Variants in CSMD1 observed in about 807,000 individuals in gnomAD.
CSMD1 encodes the protein CUB and sushi domain-containing protein 1.
In CSMD1, 213 loss-of-function variants were observed where a neutral mutation model predicts 417.5. The ratio of observed to expected loss-of-function variants is 0.51; its 90% confidence interval spans 0.46 to 0.57. CSMD1 has a LOEUF of 0.57. Among genes scored for constraint, CSMD1 ranks in the 20% least tolerant of loss-of-function variants. CSMD1 has a pLI of 0.00. For missense variants in CSMD1, 6,923 were observed against 4,529.7 expected, an observed-to-expected ratio of 1.53 and a Z score of -15.17; for synonymous variants, 2,862 against 1,736.8, an observed-to-expected ratio of 1.65 and a Z score of -16.11.
intron 1 of CSMD1, among the ~76,000 whole-genome samples, chr8:4,663,934 G>A (rs745879039): frequency 9.9e-5 from 15 of 152,146 alleles, no homozygotes; most frequent in Non-Finnish European, 1.5e-5. Context: ...GGCTCCACTG[G>A]GATGGAAATT....
chr8:4,687,069 G>A (rs1563142411), intron 1 of CSMD1, among the ~76,000 whole-genome samples: 1 of 152,190 alleles, frequency 6.6e-6, no homozygotes, highest in South Asian at 2.1e-4. Flanking sequence ...CTGAGCTTCA[G>A]GCGAGCCGGC....
At chr8:4,308,400 C>T (rs912567872) in intron 3 of CSMD1, among the ~76,000 whole-genome samples, 1 of 150,356 alleles carries the variant, frequency 6.7e-6, no homozygotes, top group African/African-American at 2.5e-5. Context: ...TGTATTCGTG[C>T]ATGTGTGTGT....
At chr8:3,196,285 C>T (rs745771) in intron 33 of CSMD1, among the ~76,000 whole-genome samples, 3,266 of 152,220 alleles carry the variant, frequency 0.021, 109 homozygotes, top group African/African-American at 0.074. Context: ...AATTGTCTAC[C>T]CCTTTCCCAG....
chr8:4,801,512 T>C (rs28477851), intron 1 of CSMD1, among the ~76,000 whole-genome samples: 10,606 of 152,184 alleles, frequency 0.07, 624 homozygotes, highest in East Asian at 0.23. Flanking sequence ...TAATGTCATT[T>C]TGAAGGGCAG....
chr8:4,055,472 G>A (rs1332194909), intron 3 of CSMD1, among the ~76,000 whole-genome samples: 1 of 151,754 alleles, frequency 6.6e-6, no homozygotes, highest in Non-Finnish European at 1.5e-5. Context: ...TAAATTATAT[G>A]AAATACATAT....
chr8:3,333,611 T>G (rs781203005), intron 23 of CSMD1, among the ~76,000 whole-genome samples: 2 of 152,246 alleles, frequency 1.3e-5, no homozygotes, highest in East Asian at 3.8e-4. Flanking sequence ...GCCATAATCT[T>G]AATCTTTATT....
intron 3 of CSMD1, among the ~76,000 whole-genome samples, chr8:4,268,726 C>T (rs941258733): frequency 3.3e-5 from 5 of 151,490 alleles, no homozygotes; most frequent in African/African-American, 9.7e-5. Context: ...TAACCAAATA[C>T]CCCCACTTAA....
At chr8:4,235,312 T>C (rs1373313930) in intron 3 of CSMD1, among the ~76,000 whole-genome samples, 1 of 152,078 alleles carries the variant, frequency 6.6e-6, no homozygotes, top group Admixed American at 6.6e-5. Context: ...AAAAGAAATT[T>C]TAAAATTTAT....
intron 16 of CSMD1, among the ~76,000 whole-genome samples, chr8:3,396,861 T>C (rs889821031): frequency 7.9e-5 from 12 of 152,138 alleles, no homozygotes; most frequent in Admixed American, 5.9e-4. Context: ...AAATGTGTGA[T>C]GAGTTTAAAC....
chr8:4,312,376 A>AATATATAT lies in CSMD1; in HGVS notation c.415+107569_415+107576dup, dbSNP rs535230667. Reference sequence around the variant, plus strand: ...TAAGCTAATTACTTTTAATGGAACAAATATATATATATATATACATACATA... The same window carrying AATATATAT: ...TAAGCTAATTACTTTTAATGGAACAAATATATATATATATATATATATATACATACATA... On this transcript the variant is annotated intron_variant, in intron 3 of 69. Coordinates refer to ENST00000635120, the MANE Select transcript of CSMD1 (RefSeq NM_033225.6). Among the ~76,000 whole-genome samples, 77 of 63,138 alleles carry AATATATAT rather than the reference A, an allele frequency of 1.2e-3. 9 individuals are homozygous for AATATATAT. The highest frequency in any genetic ancestry group is 4.7e-3 in the African/African-American group (74 of 15,738). 41.4% of individuals were successfully genotyped at this position (63,138 alleles called of 152,430 possible).
chr8:4,925,045 C>T (rs1472093671), intron 1 of CSMD1, among the ~76,000 whole-genome samples: 5 of 152,038 alleles, frequency 3.3e-5, no homozygotes, highest in African/African-American at 1.2e-4. Flanking sequence ...TGAATTACTA[C>T]ATACCTTAAA....
chr8:4,464,392 A>G (rs1189149894), intron 2 of CSMD1, among the ~76,000 whole-genome samples: 1 of 152,238 alleles, frequency 6.6e-6, no homozygotes, highest in Non-Finnish European at 1.5e-5. Context: ...AATATACCTA[A>G]CCTGCAAAAC....
chr8:3,950,117 A>G (rs1648092147), intron 5 of CSMD1, among the ~76,000 whole-genome samples: 1 of 152,194 alleles, frequency 6.6e-6, no homozygotes, highest in African/African-American at 2.4e-5. Context: ...TAATAATTAG[A>G]CACGTTACAC....
chr8:3,652,635 G>A (rs764515798), intron 7 of CSMD1, among the ~76,000 whole-genome samples: 4 of 152,146 alleles, frequency 2.6e-5, no homozygotes, highest in Non-Finnish European at 5.9e-5. Flanking sequence ...CCCATTTATG[G>A]AACCATCAGA....
At chr8:4,197,296 G>A (rs1799394127) in intron 3 of CSMD1, among the ~76,000 whole-genome samples, 1 of 152,216 alleles carries the variant, frequency 6.6e-6, no homozygotes, top group Non-Finnish European at 1.5e-5. Flanking sequence ...TAAGTATTAT[G>A]ATGGGTAATG....
At chr8:4,523,100 G>A (rs1316649037) in intron 2 of CSMD1, among the ~76,000 whole-genome samples, 1 of 152,166 alleles carries the variant, frequency 6.6e-6, no homozygotes, top group Non-Finnish European at 1.5e-5. Flanking sequence ...TTGGTGGGTG[G>A]TAGTGGGCCA....
At chr8:3,073,064 C>T (rs561926178) in intron 49 of CSMD1, among the ~76,000 whole-genome samples, 2 of 152,134 alleles carry the variant, frequency 1.3e-5, no homozygotes, top group African/African-American at 2.4e-5. Flanking sequence ...ATTCCCAGTG[C>T]TATTTCTTAA....
chr8:2,973,174 G>A lies in CSMD1; in HGVS notation c.8866C>T (p.Pro2956Ser). 4 of 1,613,716 alleles carry A rather than the reference G, an allele frequency of 2.5e-6. No homozygotes were observed. In the South Asian group the frequency reaches 3.3e-5, roughly 13 times the overall value. ...CCATTGAGCAAACACGTGCGTTCAG[G>A]GGAGCCCCTCAGCTGGTGCCCCATT... ...CEMGHQLRGS[P>S]ERTCLLNGSW... is the part of the protein sequence containing the mutation. The change falls in exon 57 of 70, where the codon CCT becomes TCT. Residue 2956 changes from proline to serine, a missense_variant. Physicochemically the swap from Pro to Ser is moderately conservative, Grantham distance 74 (BLOSUM62 -1). Coordinates refer to ENST00000635120, the MANE Select transcript of CSMD1 (RefSeq NM_033225.6).
chr8:4,210,405 A>C lies in CSMD1; in HGVS notation c.416-178306T>G, dbSNP rs574322948. Among the ~76,000 whole-genome samples, 11 of 152,270 alleles carry C rather than the reference A, an allele frequency of 7.2e-5. No individual in the cohort carries two copies. The South Asian group carries it at 2.3e-3, about 32-fold the overall frequency. ...TTTTCTTCTCAGGATTTTATAGTGG[A>C]AACTGGTGGGTTATATAAATCTCAG... On this transcript the variant is annotated intron_variant, in intron 3 of 69. Coordinates refer to ENST00000635120, the MANE Select transcript of CSMD1 (RefSeq NM_033225.6).
Sources: gnomAD v4.1 joint callset for allele counts (sites outside exome capture counted in the v4.1 genomes callset) on GRCh38, gnomAD v4.1.1 for gene constraint, MANE v1.5 for transcripts, NCBI Gene and HGNC (gene_info 2026-07-23, HGNC 2026-07-21) for gene names.